The following CLASP2 variants were observed in gnomAD, a reference collection of about 807,000 sequenced individuals.
The protein encoded by CLASP2 is cytoplasmic linker associated protein 2.
CLASP2 carries 47 observed loss-of-function variants against 194.4 expected under a neutral mutation model. That is an observed-to-expected ratio of 0.24 (90% CI 0.19 to 0.31). The LOEUF is 0.31. Ranked by LOEUF, CLASP2 falls within the 10% of genes least tolerant of loss-of-function variation. The pLI is 1.00. For missense variants in CLASP2, 1,445 were observed against 1,823.6 expected (o/e 0.79, Z 3.78); for synonymous variants, 619 against 633.5 (o/e 0.98, Z 0.34).
intron 29 of CLASP2, 90 bp from the exon 30 acceptor site, chr3:33,551,485 G>T: frequency 1.9e-6 from 2 of 1,068,602 alleles, no homozygotes; most frequent in Non-Finnish European, 1.3e-6. Flanking sequence ...TGATGATGAT[G>T]ATTTTTTTTT....
intron 29 of CLASP2, chr3:33,559,053 T>C: frequency 1.8e-6 from 1 of 559,696 alleles, no homozygotes; most frequent in South Asian, 1.7e-5. Flanking sequence ...AGGTTAGTAG[T>C]TGAATACAGA....
chr3:33,567,666 A>G (rs1456326038), intron 26 of CLASP2, among the ~76,000 whole-genome samples: 1 of 152,208 alleles, frequency 6.6e-6, no homozygotes, highest in Non-Finnish European at 1.5e-5. Flanking sequence ...AAGGGTTTAC[A>G]TGAGGTGGAT....
At chr3:33,676,380 C>A (rs9850107) in intron 6 of CLASP2, among the ~76,000 whole-genome samples, 1 of 5,994 alleles carries the variant, frequency 1.7e-4, no homozygotes, top group Admixed American at 2.0e-3. Flanking sequence ...GGCTAGCAGA[C>A]GCCTCAGAAA....
chr3:33,593,119 C>T (rs1368281624), intron 20 of CLASP2, among the ~76,000 whole-genome samples: 5 of 152,034 alleles, frequency 3.3e-5, no homozygotes, highest in Non-Finnish European at 1.5e-5. Context: ...CTTTTCATAC[C>T]TCCCGAACTG....
At position 33,662,653 on chromosome 3, in the gene CLASP2, T is replaced by C. The variant is rs568704619; in HGVS notation, c.715+792A>G. 5.9e-5 allele frequency among the ~76,000 whole-genome samples: 9 copies of C among 152,320 alleles called. No individual in the cohort carries two copies. The East Asian group carries it at 1.5e-3, about 26-fold the overall frequency. ...AACTAGTTTTCCAATTATTTGACTG[T>C]AAATTCACACACCAAATTTTTACTC... On this transcript the variant is annotated intron_variant, in intron 7 of 38. Coordinates refer to ENST00000682230, the MANE Select transcript of CLASP2 (RefSeq NM_001365631.1).
chr3:33,708,506 GTATATATATGTATATATGTA>G (rs2092820562), intron 1 of CLASP2, among the ~76,000 whole-genome samples: 1 of 58,520 alleles, frequency 1.7e-5, no homozygotes, highest in South Asian at 6.1e-4. Flanking sequence ...ATATATATAT[GTATATATATGTATATATGTA>G]TATATATATG....
intron 34 of CLASP2, among the ~76,000 whole-genome samples, chr3:33,532,693 T>G (rs1323788973): frequency 6.6e-6 from 1 of 152,136 alleles, no homozygotes; most frequent in African/African-American, 2.4e-5. Flanking sequence ...ATTTTATTTT[T>G]TGTAATTATT....
chr3:33,649,965 A>G (rs890969998), intron 7 of CLASP2, among the ~76,000 whole-genome samples: 16 of 152,162 alleles, frequency 1.1e-4, no homozygotes, highest in African/African-American at 3.9e-4. Context: ...TCTGGCCTCA[A>G]ATTATTCCCA....
chr3:33,584,511 C>A (rs571524784), intron 22 of CLASP2, among the ~76,000 whole-genome samples: 37 of 151,694 alleles, frequency 2.4e-4, no homozygotes, highest in African/African-American at 8.5e-4. Flanking sequence ...AGTGATCCAC[C>A]CCCCTCAGCC....
chr3:33,716,282 G>A (rs1236386436), intron 1 of CLASP2, among the ~76,000 whole-genome samples: 2 of 152,094 alleles, frequency 1.3e-5, no homozygotes, highest in African/African-American at 2.4e-5. Context: ...AAAAGAACCC[G>A]GATGAGACCC....
chr3:33,716,306 A>T (rs1376430164), intron 1 of CLASP2, among the ~76,000 whole-genome samples: 1 of 152,200 alleles, frequency 6.6e-6, no homozygotes, highest in Non-Finnish European at 1.5e-5. Context: ...ATGGATTCTA[A>T]CTCTTAAAGA....
At chr3:33,536,292 C>T (rs576550875) in intron 33 of CLASP2, among the ~76,000 whole-genome samples, 9 of 150,002 alleles carry the variant, frequency 6.0e-5, no homozygotes, top group Non-Finnish European at 8.9e-5. Context: ...ATAAAGTATA[C>T]GACATGTTAG....
At chr3:33,697,593 C>G (rs2092039846) in intron 1 of CLASP2, among the ~76,000 whole-genome samples, 1 of 152,126 alleles carries the variant, frequency 6.6e-6, no homozygotes, top group South Asian at 2.1e-4. Context: ...GTATGCATAA[C>G]TATATTTGTA....
At chr3:33,607,762 T>A (rs2074221346) in intron 14 of CLASP2, among the ~76,000 whole-genome samples, 1 of 152,026 alleles carries the variant, frequency 6.6e-6, no homozygotes, top group South Asian at 2.1e-4. Flanking sequence ...TTTTAATAAA[T>A]TAGAGAAAAA....
intron 37 of CLASP2, among the ~76,000 whole-genome samples, chr3:33,505,828 A>T (rs1293909967): frequency 6.6e-6 from 1 of 151,688 alleles, no homozygotes; most frequent in Non-Finnish European, 1.5e-5. Context: ...TGGAGGCAGG[A>T]GGACTGCTTA....
rs1295126239 is a variant in CLASP2 at position 33,570,783 on chromosome 3, C to G, written c.2707G>C (p.Glu903Gln). Residue 903 changes from glutamate to glutamine, a missense_variant, in exon 26 of 39, where the codon GAA becomes CAA. Physicochemically the swap from Glu to Gln is conservative, Grantham distance 29. Transcript: ENST00000682230. ...AAAATTTCACATAATCTTTTCAGTTCAACTCGACTGCCAAGATAATACAGC... is the reference window on the plus strand; with the variant it reads ...AAAATTTCACATAATCTTTTCAGTTGAACTCGACTGCCAAGATAATACAGC... ...LKNQRTLSRV[E>Q]LKRLCEIFTR... 1 of 1,583,934 alleles carries G rather than the reference C, an allele frequency of 6.3e-7. No homozygotes were observed. Among genetic ancestry groups the G allele is most frequent in the African/African-American group, 1.4e-5 (1 of 73,946 alleles).
chr3:33,633,828 C>T (rs912427608), intron 8 of CLASP2, among the ~76,000 whole-genome samples: 1 of 151,844 alleles, frequency 6.6e-6, no homozygotes, highest in African/African-American at 2.4e-5. Flanking sequence ...ATACATTACC[C>T]AAAATGTGGC....
At chr3:33,607,340 T>A (rs74657271) in intron 15 of CLASP2, 44 bp downstream of exon 15, 19,695 of 1,329,598 alleles carry the variant, frequency 0.015, 206 homozygotes, top group East Asian at 0.05. Context: ...CATTTTTTTT[T>A]AAAAAAGATT....
At chr3:33,673,704 C>T (rs1286570578) in intron 6 of CLASP2, among the ~76,000 whole-genome samples, 40 of 152,256 alleles carry the variant, frequency 2.6e-4, no homozygotes, top group Non-Finnish European at 3.7e-4. Context: ...ACCCATCTCA[C>T]GTGCACAGAC....
Sources: allele counts gnomAD v4.1 joint callset (sites outside exome capture counted in the v4.1 genomes callset), GRCh38; gene constraint gnomAD v4.1.1; transcripts MANE v1.5; gene names NCBI Gene and HGNC (gene_info 2026-07-23, HGNC 2026-07-21).